RHBDF1: variants seen among roughly 807,000 people sequenced by gnomAD.
RHBDF1 encodes rhomboid 5 homolog 1, also known as inactive rhomboid protein 1.
In RHBDF1, 80 loss-of-function variants were observed where a neutral mutation model predicts 98.6. The observed-to-expected ratio is 0.81, with a 90% CI of 0.68 to 0.98. RHBDF1 has a LOEUF of 0.98. Ranked by LOEUF, RHBDF1 falls within the 50% of genes least tolerant of loss-of-function variation. RHBDF1 has a pLI of 0.00. For synonymous variants in RHBDF1, 512 were observed against 486.8 expected, an observed-to-expected ratio of 1.05 and a Z score of -0.68; for missense variants, 1,116 against 1,198.3, an observed-to-expected ratio of 0.93 and a Z score of 1.01.
chr16:65,114 AG>A, intron 1 of RHBDF1, 75 bp from the exon 2 acceptor site: 1 of 1,445,510 alleles, frequency 6.9e-7, no homozygotes, highest in South Asian at 1.5e-5. Flanking sequence ...ACCCGGGAGG[AG>A]GGAGAAGCAG....
At chr16:61,522 T>G in intron 9 of RHBDF1, 63 bp from the exon 10 acceptor site, 1 of 1,610,058 alleles carries the variant, frequency 6.2e-7, no homozygotes, top group Non-Finnish European at 8.5e-7. Flanking sequence ...CCAGAGCGGG[T>G]CGGGAGGGGG....
At chr16:73,931 A>C (rs1377728145), upstream of RHBDF1, 1 of 985,196 alleles carries the variant, frequency 1.0e-6, no homozygotes, top group Non-Finnish European at 1.2e-6. Flanking sequence ...TAGATCCCAG[A>C]GCCTGGGCAA....
chr16:65,954 C>T (rs535257940), intron 1 of RHBDF1, among the ~76,000 whole-genome samples: 1 of 152,366 alleles, frequency 6.6e-6, no homozygotes, highest in Admixed American at 6.5e-5. Context: ...GGGGCCAGGG[C>T]CCCACGGAAG....
chr16:60,535 G>T lies in RHBDF1; in HGVS notation c.1562C>A (p.Thr521Lys). 1 of 1,606,746 alleles carries T rather than the reference G, an allele frequency of 6.2e-7. No individual in the cohort carries two copies. Reference protein sequence around the residue: ...VQTSEEECSSTLAVWVKWPIH... With the variant: ...VQTSEEECSSKLAVWVKWPIH... ...GGGCCACTTCACCCACACTGCCAGCGTGGACTGTGGGAGGGGGACACAGGG... is the reference window on the plus strand; with the variant it reads ...GGGCCACTTCACCCACACTGCCAGCTTGGACTGTGGGAGGGGGACACAGGG... The change falls in exon 12 of 18, where the codon ACG becomes AAG. Residue 521 changes from threonine (T) to lysine (K), a missense_variant. Thr to Lys is a moderately conservative substitution (Grantham distance 78, BLOSUM62 -1). Transcript: ENST00000262316.
chr16:69,426 G>C (rs944134554), intron 1 of RHBDF1, among the ~76,000 whole-genome samples: 1 of 152,156 alleles, frequency 6.6e-6, no homozygotes, highest in Non-Finnish European at 1.5e-5. Context: ...GCTGGAGCAA[G>C]GGGCCTCACC....
At position 59,594 on chromosome 16, in the gene RHBDF1, C is replaced by T. The variant is rs1897528946; in HGVS notation, c.1818-100G>A. ...CCGCACCTACCCACCTTTGTTGGCCCCAAGGAAGTCCAGACCCCCTCTAAC... is the reference window on the plus strand; with the variant it reads ...CCGCACCTACCCACCTTTGTTGGCCTCAAGGAAGTCCAGACCCCCTCTAAC... On this transcript the variant is annotated intron_variant, in intron 14 of 17. Coordinates refer to ENST00000262316, the MANE Select transcript of RHBDF1 (RefSeq NM_022450.5). 4 of 1,472,120 alleles carry T rather than the reference C, an allele frequency of 2.7e-6. No homozygotes were observed. The South Asian group carries it at 3.7e-5, about 14-fold the overall frequency. 91.2% of individuals were successfully genotyped at this position (1,472,120 alleles called of 1,614,324 possible).
chr16:66,245 G>T (rs543793605), intron 1 of RHBDF1, among the ~76,000 whole-genome samples: 11 of 152,144 alleles, frequency 7.2e-5, no homozygotes, highest in Admixed American at 1.3e-4. Flanking sequence ...GCTCGGAGCC[G>T]CTGGGTCGGC....
rs1275552551 is a variant in RHBDF1 at position 59,819 on chromosome 16, G to A, written c.1730C>T (p.Thr577Ile). Residue 577 changes from threonine to isoleucine, a missense_variant, in exon 14 of 18, where the codon ACC becomes ATC. Transcript: ENST00000262316. Reference sequence around the variant, plus strand: ...GGTGTGGTTCCCAGCGCTGTTTTTGGTGCAGATCTGGGTCACAAATGAGGA... The same window carrying A: ...GGTGTGGTTCCCAGCGCTGTTTTTGATGCAGATCTGGGTCACAAATGAGGA... ...PEDITKWPIC[T>I]KNSAGNHTNH... 6.2e-7 allele frequency: 1 copy of A among 1,614,154 alleles called. No homozygotes were observed. The highest frequency in any genetic ancestry group is 8.5e-7 in the Non-Finnish European group (1 of 1,180,016).
chr16:66,802 G>T (rs1035833405), intron 1 of RHBDF1, among the ~76,000 whole-genome samples: 1 of 152,164 alleles, frequency 6.6e-6, no homozygotes, highest in African/African-American at 2.4e-5. Context: ...TCAGGGGCAC[G>T]AGCCAAGGGC....
At position 62,553 on chromosome 16, in the gene RHBDF1, C is replaced by T. The variant is rs1327031878; in HGVS notation, c.938G>A (p.Arg313His). 27 of 1,612,698 alleles carry T rather than the reference C, an allele frequency of 1.7e-5. No individual in the cohort carries two copies. Among genetic ancestry groups the T allele is most frequent in the East Asian group, 2.2e-5 (1 of 44,892 alleles). The change falls in exon 7 of 18, where the codon CGC becomes CAC. Residue 313 changes from arginine to histidine, a missense_variant. By Grantham distance (29) the Arg-to-His change is conservative. Transcript: ENST00000262316. ...GGALDRSELERSHLMLPLERG... is the reference protein window; with the variant it reads ...GGALDRSELEHSHLMLPLERG... ...CCGCACTCACAGCATCAGGTGGCTG[C>T]GCTCAAGCTCGCTGCGGTCCAGGGC...
At chr16:74,062 T>A, upstream of RHBDF1, 1 of 509,128 alleles carries the variant, frequency 2.0e-6, no homozygotes, top group Non-Finnish European at 2.5e-6. Context: ...CAATGGAAGC[T>A]TTGGAGGGGG....
upstream of RHBDF1, chr16:73,849 A>C: frequency 2.5e-6 from 2 of 812,540 alleles, no homozygotes; most frequent in Non-Finnish European, 3.0e-6. Context: ...GGCCCGACGC[A>C]GACAATGGCC....
In RHBDF1 at chr16:62,875, G is replaced by C. The variant is rs1303357085; in HGVS notation, c.695C>G (p.Thr232Ser). Residue 232 changes from threonine (T) to serine (S), a missense_variant, in exon 6 of 18, where the codon ACC becomes AGC. Thr to Ser is a moderately conservative substitution (Grantham distance 58, BLOSUM62 1). Transcript: ENST00000262316. ...GCTTCGACGCTGTGCCCGGCGAAAG[G>C]TGCCATCCCTAACGGAGCGGCCCTG... ...LMKGRSVRDG[T>S]FRRAQRRSFT... 4.3e-6 allele frequency: 7 copies of C among 1,613,790 alleles called. No individual in the cohort carries two copies. The highest frequency in any genetic ancestry group is 5.9e-6 in the Non-Finnish European group (7 of 1,179,982).
chr16:60,231 G>A lies in RHBDF1; in HGVS notation c.1707C>T (p.Asp569=), dbSNP rs773477919. The change falls in exon 13 of 18, where the codon GAC becomes GAT. Residue 569 remains aspartate, a synonymous_variant. Coordinates refer to ENST00000262316, the MANE Select transcript of RHBDF1 (RefSeq NM_022450.5). ...SSEDPHEWPE[D]ITKWPICTKN... ...TGCAGCTCACCGGCCACTTGGTGAT[G>A]TCTTCTGGCCACTCATGAGGGTCTT... The A allele has an allele frequency of 6.2e-7, 1 of 1,614,086 alleles. No individual in the cohort carries two copies. The highest frequency in any genetic ancestry group is 1.1e-5 in the South Asian group (1 of 91,080).
Position 63,014 on chromosome 16 carries a change from C to G in RHBDF1, c.631G>C (p.Val211Leu). The stretch of plus-strand genomic sequence containing the variant: ...GCCGCCCGGAAGCTCATCTTGGCCA[C>G]CGACTCTCGCTTGCGCCGCCGCGGG... ...RLPRRRKRES[V>L]AKMSFRAAAA... The change falls in exon 5 of 18, where the codon GTG becomes CTG. Residue 211 changes from valine (V) to leucine (L), a missense_variant. Transcript: ENST00000262316. 1.9e-6 allele frequency: 3 copies of G among 1,612,192 alleles called. No homozygotes were observed. Among genetic ancestry groups the G allele is most frequent in the Non-Finnish European group, 2.5e-6 (3 of 1,179,500 alleles).
chr16:72,815 G>T (rs1209084402), upstream of RHBDF1, among the ~76,000 whole-genome samples: 2 of 152,174 alleles, frequency 1.3e-5, no homozygotes, highest in Non-Finnish European at 2.9e-5. Context: ...GGTCTCCAGC[G>T]CCTCGGCCCG....
chr16:73,506 G>A (rs74586922), upstream of RHBDF1, among the ~76,000 whole-genome samples: 19 of 152,282 alleles, frequency 1.2e-4, no homozygotes, highest in Middle Eastern at 3.4e-3. Context: ...TCTGCTTTCC[G>A]CTGGGGCTGC....
rs1335424609 is a variant in RHBDF1 at position 61,133 on chromosome 16, T to C, written c.1544A>G (p.Glu515Gly). 9 of 1,533,502 alleles carry C rather than the reference T, an allele frequency of 5.9e-6. No individual in the cohort carries two copies. Among genetic ancestry groups the C allele is most frequent in the Non-Finnish European group, 7.9e-6 (9 of 1,142,682 alleles). 95.0% of individuals were successfully genotyped at this position (1,533,502 alleles called of 1,614,324 possible). A position where few individuals can be genotyped will look rare whatever the true frequency, so the allele number is the denominator to read the frequency against. The change falls in exon 11 of 18, where the codon GAG becomes GGG. Residue 515 changes from glutamate to glycine, a missense_variant. By Grantham distance (98) the Glu-to-Gly change is moderately conservative. Coordinates refer to ENST00000262316, the MANE Select transcript of RHBDF1 (RefSeq NM_022450.5). ...GGGGAAACGCACCGAGCACTCCTCCTCCGAGGTCTGCACGCAGCCCGACCT... is the reference window on the plus strand; with the variant it reads ...GGGGAAACGCACCGAGCACTCCTCCCCCGAGGTCTGCACGCAGCCCGACCT... The part of the protein sequence containing the change: ...NDRSGCVQTS[E>G]EECSSTLAVW...
chr16:62,451 A>G (rs1596469048), intron 7 of RHBDF1, 87 bp downstream of exon 7: 7 of 1,521,938 alleles, frequency 4.6e-6, no homozygotes, highest in African/African-American at 1.4e-5. Flanking sequence ...TCCATCGCCC[A>G]CAGAGGTGAA....
Sources: gnomAD v4.1 joint callset for allele counts (sites outside exome capture counted in the v4.1 genomes callset) on GRCh38, gnomAD v4.1.1 for gene constraint, MANE v1.5 for transcripts, NCBI Gene and HGNC (gene_info 2026-07-23, HGNC 2026-07-21) for gene names.